The following SLC25A21 variants were observed in gnomAD, a reference collection of about 807,000 sequenced individuals.
SLC25A21 encodes the protein mitochondrial 2-oxodicarboxylate carrier.
SLC25A21 carries 47 observed loss-of-function variants against 43.8 expected under a neutral mutation model. That is an observed-to-expected ratio of 1.07 (90% CI 0.85 to 1.37). The LOEUF is 1.37. Ranked by LOEUF, SLC25A21 falls within the 40% of genes most tolerant of loss-of-function variation. The pLI is 0.00. For synonymous variants in SLC25A21, 131 were observed against 121.3 expected, an observed-to-expected ratio of 1.08 and a Z score of -0.52; for missense variants, 352 against 350.2, an observed-to-expected ratio of 1.00 and a Z score of -0.04.
At chr14:36,779,457 T>TAA in intron 3 of SLC25A21, among the ~76,000 whole-genome samples, 1 of 139,368 alleles carries the variant, frequency 7.2e-6, no homozygotes, top group East Asian at 2.1e-4. Flanking sequence ...AAAGAAGGAA[T>TAA]TATATATATA....
intron 7 of SLC25A21, among the ~76,000 whole-genome samples, chr14:36,692,024 G>C (rs184150048): frequency 6.6e-6 from 1 of 152,200 alleles, no homozygotes; most frequent in East Asian, 1.9e-4. Context: ...ATTCACAAAT[G>C]AGAAAACTGA....
chr14:36,896,562 G>A (rs1891245541), intron 1 of SLC25A21, among the ~76,000 whole-genome samples: 1 of 152,124 alleles, frequency 6.6e-6, no homozygotes, highest in African/African-American at 2.4e-5. Flanking sequence ...TATTATGTGT[G>A]AGTTTCATCC....
chr14:36,701,738 G>A (rs1038470471), intron 7 of SLC25A21, among the ~76,000 whole-genome samples: 4 of 152,084 alleles, frequency 2.6e-5, no homozygotes, highest in African/African-American at 9.7e-5. Context: ...AATTAATTAT[G>A]TATTGAGTAT....
At chr14:36,957,184 T>G (rs112857267) in intron 1 of SLC25A21, among the ~76,000 whole-genome samples, 2,700 of 152,276 alleles carry the variant, frequency 0.018, 78 homozygotes, top group African/African-American at 0.061. Context: ...CTGCCCTTCT[T>G]TCCTCCACTT....
At chr14:37,064,680 C>A (rs1376428204) in intron 1 of SLC25A21, among the ~76,000 whole-genome samples, 2 of 152,160 alleles carry the variant, frequency 1.3e-5, no homozygotes, top group African/African-American at 4.8e-5. Context: ...ATCACCAACA[C>A]CCCATTCTAT....
At chr14:36,968,788 T>C (rs970146373) in intron 1 of SLC25A21, among the ~76,000 whole-genome samples, 3 of 152,188 alleles carry the variant, frequency 2.0e-5, no homozygotes, top group Admixed American at 6.5e-5. Flanking sequence ...CAGTGAGACA[T>C]GATGCCATTC....
At chr14:36,954,299 T>G (rs1356860206) in intron 1 of SLC25A21, among the ~76,000 whole-genome samples, 1 of 152,020 alleles carries the variant, frequency 6.6e-6, no homozygotes, top group Non-Finnish European at 1.5e-5. Context: ...CCACCTTTGT[T>G]GTCTTTATCC....
chr14:37,157,141 G>T (rs769425681), intron 1 of SLC25A21, among the ~76,000 whole-genome samples: 2 of 152,246 alleles, frequency 1.3e-5, no homozygotes, highest in Non-Finnish European at 2.9e-5. Context: ...TGGATTGCTT[G>T]GGGCCAGGAG....
At chr14:36,978,654 T>C (rs1417571099) in intron 1 of SLC25A21, among the ~76,000 whole-genome samples, 1 of 152,244 alleles carries the variant, frequency 6.6e-6, no homozygotes, top group Non-Finnish European at 1.5e-5. Flanking sequence ...TTTACAATAA[T>C]TAAATACTCA....
intron 2 of SLC25A21, among the ~76,000 whole-genome samples, chr14:36,863,169 A>T (rs916902032): frequency 9.2e-5 from 14 of 152,208 alleles, no homozygotes; most frequent in African/African-American, 3.4e-4. Context: ...TGATGTCTGG[A>T]GAACCCCACT....
At chr14:37,041,893 T>C (rs1040307493) in intron 1 of SLC25A21, among the ~76,000 whole-genome samples, 2 of 152,154 alleles carry the variant, frequency 1.3e-5, no homozygotes, top group Admixed American at 6.6e-5. Flanking sequence ...AATCTAAAGA[T>C]TGTAAATATT....
chr14:37,133,687 C>G (rs545587302), intron 1 of SLC25A21, among the ~76,000 whole-genome samples: 2 of 152,094 alleles, frequency 1.3e-5, no homozygotes, highest in Admixed American at 1.3e-4. Flanking sequence ...TTACTGTTCC[C>G]TGTCTCCTTC....
chr14:37,123,730 T>C (rs1963250532), intron 1 of SLC25A21, among the ~76,000 whole-genome samples: 1 of 151,970 alleles, frequency 6.6e-6, no homozygotes, highest in African/African-American at 2.4e-5. Flanking sequence ...AACTAAAGAC[T>C]ATAAGGAGGG....
At position 37,023,231 on chromosome 14, in the gene SLC25A21, T is replaced by C. The variant is rs181404065; in HGVS notation, c.71-148227A>G. 1.2e-3 allele frequency among the ~76,000 whole-genome samples: 178 copies of C among 152,144 alleles called. 1 individual carries two copies. Among genetic ancestry groups the C allele is most frequent in the African/African-American group, 4.3e-3 (178 of 41,542 alleles). On this transcript the variant is annotated intron_variant, in intron 1 of 9. Transcript: ENST00000331299. ...CTGTCAATCTTTACTCCAAAAGTGT[T>C]CCCAAAGTCAGTCTTTTCCCCTAGT...
At chr14:37,092,565 G>A (rs767046024) in intron 1 of SLC25A21, among the ~76,000 whole-genome samples, 1 of 152,100 alleles carries the variant, frequency 6.6e-6, no homozygotes, top group Non-Finnish European at 1.5e-5. Context: ...CTTTAGGGAT[G>A]AGCCTATGAC....
intron 1 of SLC25A21, among the ~76,000 whole-genome samples, chr14:36,905,278 T>A (rs1364761085): frequency 6.6e-6 from 1 of 152,130 alleles, no homozygotes; most frequent in Non-Finnish European, 1.5e-5. Flanking sequence ...CTGTAGGAAG[T>A]TTTTCTAAAC....
intron 1 of SLC25A21, among the ~76,000 whole-genome samples, chr14:37,037,666 T>G (rs1594763255): frequency 6.6e-6 from 1 of 152,192 alleles, no homozygotes; most frequent in East Asian, 1.9e-4. Context: ...CTGCCCTCCC[T>G]GACACATTTC....
At position 36,680,359 on chromosome 14, in the gene SLC25A21, A is replaced by C; in HGVS notation, c.*299T>G. 9.7e-7 allele frequency: 1 copy of C among 1,032,134 alleles called. No homozygotes were observed. Among genetic ancestry groups the C allele is most frequent in the East Asian group, 7.5e-5 (1 of 13,290 alleles). The allele number at this position is 1,032,134 out of a possible 1,614,324, so 63.9% of individuals were successfully genotyped here. On this transcript the variant is annotated 3_prime_UTR_variant, in exon 10 of 10. Coordinates refer to ENST00000331299, the MANE Select transcript of SLC25A21 (RefSeq NM_030631.4). ...GTGAAGCATTGAAGAGGAACACAGG[A>C]GACAAAGTTTCTATTTATTTTATGA... is the stretch of plus-strand genomic sequence containing the variant.
intron 1 of SLC25A21, among the ~76,000 whole-genome samples, chr14:36,962,850 C>T (rs1037805917): frequency 1.3e-5 from 2 of 152,138 alleles, no homozygotes; most frequent in East Asian, 1.9e-4. Flanking sequence ...GTTAGACATA[C>T]CAAACACATG....
Sources: allele counts gnomAD v4.1 joint callset (sites outside exome capture counted in the v4.1 genomes callset), GRCh38; gene constraint gnomAD v4.1.1; transcripts MANE v1.5; gene names NCBI Gene and HGNC (gene_info 2026-07-23, HGNC 2026-07-21).